The following SLX4 variants were observed in gnomAD, a reference collection of about 807,000 sequenced individuals.
SLX4 encodes SLX4 structure-specific endonuclease subunit.
In SLX4, 112 loss-of-function variants were observed where a neutral mutation model predicts 146.2. The ratio of observed to expected loss-of-function variants is 0.77; its 90% CI spans 0.66 to 0.90. The LOEUF is 0.90. SLX4 is among the 40% of genes least tolerant of loss of function. SLX4 has a pLI of 0.00. For synonymous variants in SLX4, 1,061 were observed against 997.7 expected, an observed-to-expected ratio of 1.06 and a Z score of -1.20; for missense variants, 2,563 against 2,392.7, an observed-to-expected ratio of 1.07 and a Z score of -1.49.
Position 3,582,497 on chromosome 16 carries a change from C to A in SLX4, c.5350G>T (p.Glu1784Ter), listed in dbSNP as rs907816292. The change falls in exon 15 of 15, where the codon GAG (glutamate) becomes TAG (stop). Residue 1784 changes from glutamate to a stop codon, truncating the protein, a stop_gained. Coordinates refer to ENST00000294008, the MANE Select transcript of SLX4 (RefSeq NM_032444.4). LOFTEE classifies it low-confidence loss of function (END_TRUNC). ...QPFELRELQA[E>*]LRQNGLRVSS... ...ACACGGAGGCCGTTCTGCCTCAGCT[C>A]TGCCTGCAGCTCCCGCAGCTCAAAG... 6.2e-7 allele frequency: 1 copy of A among 1,614,066 alleles called. No individual in the cohort carries two copies. Among genetic ancestry groups the A allele is most frequent in the Non-Finnish European group, 8.5e-7 (1 of 1,180,046 alleles).
At position 3,595,669 on chromosome 16, in the gene SLX4, A is replaced by G. The variant is rs758761635; in HGVS notation, c.1949T>C (p.Leu650Pro). ...TGGCACCACAAACCCAGTCAGAGGA[A>G]GGCCGCCGGGCACCACGTCCAACCC... ...TAGLDVVPGG[L>P]PLTGFVVPSQ... Residue 650 changes from leucine (L) to proline (P), a missense_variant, in exon 9 of 15, where the codon CTT becomes CCT. Coordinates refer to ENST00000294008, the MANE Select transcript of SLX4 (RefSeq NM_032444.4). 6.2e-7 allele frequency: 1 copy of G among 1,614,096 alleles called. No individual in the cohort carries two copies. The highest frequency in any genetic ancestry group is 2.2e-5 in the East Asian group (1 of 44,866).
chr16:3,594,614 G>A lies in SLX4; in HGVS notation c.2014-15C>T, dbSNP rs367967946. On this transcript the variant is annotated splice_polypyrimidine_tract_variant and intron_variant, in intron 9 of 14. Transcript: ENST00000294008. ...CCGAGGGAGAGCTGAAGCAGGAGGA[G>A]AGGAAGAGCCGTCACCTCCCCACCT... 1 of 1,613,852 alleles carries A rather than the reference G, an allele frequency of 6.2e-7. No homozygotes were observed. The highest frequency in any genetic ancestry group is 1.3e-5 in the African/African-American group (1 of 74,918).
Position 3,590,846 on chromosome 16 carries a change from G to A in SLX4, c.2792C>T (p.Pro931Leu). The change falls in exon 12 of 15, where the codon CCC becomes CTC. Residue 931 changes from proline (P) to leucine (L), a missense_variant. Pro to Leu is a moderately conservative substitution (Grantham distance 98). Coordinates refer to ENST00000294008, the MANE Select transcript of SLX4 (RefSeq NM_032444.4). The surrounding 1 kb of genome is among the most constrained non-coding windows in gnomAD (Gnocchi z 4.8). ...EKMGQCALPP[P>L]QGQHSGARGA... ...CCGTGCCCCTGAGTGCTGGCCCTGGGGTGGCGGGAGAGCGCACTGTCCCAT... is the reference window on the plus strand; with the variant it reads ...CCGTGCCCCTGAGTGCTGGCCCTGGAGTGGCGGGAGAGCGCACTGTCCCAT... The A allele has an allele frequency of 1.9e-6, 3 of 1,614,160 alleles. No individual in the cohort carries two copies. The highest frequency in any genetic ancestry group is 2.5e-6 in the Non-Finnish European group (3 of 1,180,034).
intron 10 of SLX4, among the ~76,000 whole-genome samples, 166 bp downstream of exon 10, chr16:3,594,287 A>G (rs1172340270): frequency 6.6e-6 from 1 of 152,076 alleles, no homozygotes; most frequent in East Asian, 1.9e-4. Flanking sequence ...CGTGTTGCAG[A>G]AACGGATGGT....
At position 3,589,453 on chromosome 16, in the gene SLX4, G is replaced by A. The variant is rs993089915; in HGVS notation, c.4185C>T (p.Val1395=). 14 of 1,606,254 alleles carry A rather than the reference G, an allele frequency of 8.7e-6. No individual in the cohort carries two copies. The African/African-American group carries it at 9.4e-5, about 11-fold the overall frequency. The change falls in exon 12 of 15, where the codon GTC becomes GTT. Residue 1395 remains valine, a synonymous_variant. Transcript: ENST00000294008. The surrounding 1 kb of genome is among the most constrained non-coding windows in gnomAD (Gnocchi z 6.2). The part of the protein sequence containing the change: ...NQTPAGEVVE[V]GDSDDEQEVA... ...CCTCCTGCTCATCGTCACTGTCTCC[G>A]ACTTCCACCACTTCACCCGCTGGGG...
chr16:3,608,673 T>C lies in SLX4; in HGVS notation c.292A>G (p.Thr98Ala), dbSNP rs919481210. Residue 98 changes from threonine (T) to alanine (A), a missense_variant, in exon 2 of 15, where the codon ACC becomes GCC. Transcript: ENST00000294008. The stretch of plus-strand genomic sequence containing the variant: ...GGGCCTTGAAGGGTTTTGGTCTTGG[T>C]AGCAGTTTGTTTGGTCCTTTTCAAT... ...SKLKRTKQTATKTKTLQGPAE... is the reference protein window; with the variant it reads ...SKLKRTKQTAAKTKTLQGPAE... The C allele has an allele frequency of 4.3e-6, 7 of 1,614,244 alleles. No homozygotes were observed. The East Asian group carries it at 8.9e-5, about 21-fold the overall frequency.
intron 12 of SLX4, among the ~76,000 whole-genome samples, chr16:3,587,456 A>C (rs537938459): frequency 8.5e-5 from 13 of 152,314 alleles, no homozygotes; most frequent in African/African-American, 3.1e-4. Context: ...AGATAGCCCC[A>C]CTGCACTCCA....
Position 3,602,140 on chromosome 16 carries a change from G to C in SLX4, c.928C>G (p.Arg310Gly). 6.2e-7 allele frequency: 1 copy of C among 1,614,090 alleles called. No individual in the cohort carries two copies. The highest frequency in any genetic ancestry group is 1.1e-5 in the South Asian group (1 of 91,064). The change falls in exon 4 of 15, where the codon CGA becomes GGA. Residue 310 changes from arginine (R) to glycine (G), a missense_variant. Arg to Gly is a moderately radical substitution (Grantham distance 125). Coordinates refer to ENST00000294008, the MANE Select transcript of SLX4 (RefSeq NM_032444.4). ...CACCTGTTCACATGCTGTTCCCTTC[G>C]GGTCACGTTCATGGCTGAGAGGTTC... ...QKNLSAMNVT[R>G]REQHVNRCLD...
rs1420487242 is a variant in SLX4, at chr16:3,608,690, C to G, written c.275G>C (p.Arg92Thr). 9 of 1,614,080 alleles carry G rather than the reference C, an allele frequency of 5.6e-6. No individual in the cohort carries two copies. Among genetic ancestry groups the G allele is most frequent in the Non-Finnish European group, 7.6e-6 (9 of 1,180,050 alleles). ...GGTCTTGGTAGCAGTTTGTTTGGTC[C>G]TTTTCAATTTGCTTCTTATCTGAGT... is the stretch of plus-strand genomic sequence containing the variant. ...NGTQIRSKLK[R>T]TKQTATKTKT... The change falls in exon 2 of 15, where the codon AGG becomes ACG. Residue 92 changes from arginine to threonine, a missense_variant. By Grantham distance (71) the Arg-to-Thr change is moderately conservative. Coordinates refer to ENST00000294008, the MANE Select transcript of SLX4 (RefSeq NM_032444.4).
chr16:3,604,347 A>G (rs749375179), intron 3 of SLX4, among the ~76,000 whole-genome samples: 12 of 152,142 alleles, frequency 7.9e-5, no homozygotes, highest in Non-Finnish European at 1.6e-4. Context: ...ATCCTTGTTC[A>G]GAAAAAAAAG....
At position 3,590,086 on chromosome 16, in the gene SLX4, A is replaced by C. The variant is rs753266451; in HGVS notation, c.3552T>G (p.Ile1184Met). 1 of 1,614,080 alleles carries C rather than the reference A, an allele frequency of 6.2e-7. No individual in the cohort carries two copies. Among genetic ancestry groups the C allele is most frequent in the South Asian group, 1.1e-5 (1 of 91,080 alleles). The change falls in exon 12 of 15, where the codon ATT becomes ATG. Residue 1184 changes from isoleucine (I) to methionine (M), a missense_variant. Physicochemically the swap from Ile to Met is conservative, Grantham distance 10 (BLOSUM62 1). Coordinates refer to ENST00000294008, the MANE Select transcript of SLX4 (RefSeq NM_032444.4). The surrounding 1 kb of genome is among the most constrained non-coding windows in gnomAD (Gnocchi z 4.8). The part of the protein sequence containing the change: ...DPLEEKKALE[I>M]SPRSCELFSI... Reference sequence around the variant, plus strand: ...AAAACAGCTCACAGGACCTAGGGCTAATTTCTAGAGCTTTCTTTTCTTCCA... The same window carrying C: ...AAAACAGCTCACAGGACCTAGGGCTCATTTCTAGAGCTTTCTTTTCTTCCA...
chr16:3,604,072 A>T (rs1175081578), intron 3 of SLX4, among the ~76,000 whole-genome samples: 1 of 152,044 alleles, frequency 6.6e-6, no homozygotes, highest in African/African-American at 2.4e-5. Flanking sequence ...TCTAGTAAAA[A>T]TACAAAAAAA....
chr16:3,583,090 C>T lies in SLX4; in HGVS notation c.5153+7G>A, dbSNP rs370334914. ...GGCCACTGACCCCATCGCATCCATC[C>T]GGTTACCTCTGTGAGCTCAAGGAGC... On this transcript the variant is annotated splice_region_variant and intron_variant, in intron 14 of 14. Coordinates refer to ENST00000294008, the MANE Select transcript of SLX4 (RefSeq NM_032444.4). The T allele has an allele frequency of 4.3e-6, 7 of 1,614,090 alleles. No homozygotes were observed. The East Asian group carries it at 6.7e-5, about 15-fold the overall frequency.
At chr16:3,586,865 A>G (rs2040514096) in intron 12 of SLX4, among the ~76,000 whole-genome samples, 1 of 151,162 alleles carries the variant, frequency 6.6e-6, no homozygotes, top group Non-Finnish European at 1.5e-5. Context: ...GATCCATGCT[A>G]CAACATGTAT....
At chr16:3,599,301 C>T (rs1410963085) in intron 5 of SLX4, among the ~76,000 whole-genome samples, 2 of 152,184 alleles carry the variant, frequency 1.3e-5, no homozygotes, top group Non-Finnish European at 2.9e-5. Flanking sequence ...AAACAGCTAT[C>T]GCCTTTGGCC....
At position 3,611,600 on chromosome 16, in the gene SLX4, C is replaced by T. The variant is rs2040877333; in HGVS notation, c.-643G>A. Reference sequence around the variant, plus strand: ...GGCACCTTCTTAACGGAGACTCGCGCGCCTGCGCATGCGCCGCCCGCGCCC... The same window carrying T: ...GGCACCTTCTTAACGGAGACTCGCGTGCCTGCGCATGCGCCGCCCGCGCCC... On this transcript the variant is annotated 5_prime_UTR_variant, in exon 1 of 15. Transcript: ENST00000294008. The T allele has an allele frequency of 6.6e-6, 1 of 152,070 alleles. No individual in the cohort carries two copies. The highest frequency in any genetic ancestry group is 2.1e-4 in the South Asian group (1 of 4,830). 9.4% of individuals were successfully genotyped at this position (152,070 alleles called of 1,614,324 possible).
rs148228302 is a variant in SLX4 at position 3,583,482 on chromosome 16, G to C, written c.4768C>G (p.Gln1590Glu). The change falls in exon 14 of 15, where the codon CAG (glutamine) becomes GAG (glutamate). Residue 1590 changes from glutamine to glutamate, a missense_variant. Coordinates refer to ENST00000294008, the MANE Select transcript of SLX4 (RefSeq NM_032444.4). The part of the protein sequence containing the change: ...RFGVRPLPKR[Q>E]MVLKLKEIFQ... The stretch of plus-strand genomic sequence containing the variant: ...ATCTCCTTCAGCTTCAGAACCATCT[G>C]GCGTTTAGGCAGAGGGCGGACTCCA... 4.1e-5 allele frequency: 66 copies of C among 1,614,064 alleles called. 1 individual carries two copies. The highest frequency in any genetic ancestry group is 5.3e-5 in the Non-Finnish European group (63 of 1,180,050).
intron 5 of SLX4, among the ~76,000 whole-genome samples, chr16:3,600,411 C>T (rs951840722): frequency 3.3e-5 from 5 of 152,022 alleles, no homozygotes; most frequent in Non-Finnish European, 7.4e-5. Context: ...TCAGGAAGGA[C>T]CTTGAGGAAA....
At chr16:3,601,886 G>T (rs2040730785) in intron 4 of SLX4, 1 of 525,138 alleles carries the variant, frequency 1.9e-6, no homozygotes, top group African/African-American at 1.9e-5. Flanking sequence ...TGTGGTGACA[G>T]TTGCCCAACT....
Sources: allele counts gnomAD v4.1 joint callset (sites outside exome capture counted in the v4.1 genomes callset), GRCh38; gene constraint gnomAD v4.1.1; non-coding constraint Gnocchi (gnomAD v3.1); transcripts MANE v1.5; gene names NCBI Gene and HGNC (gene_info 2026-07-23, HGNC 2026-07-21).